Variants in WFDC1 observed in about 807,000 individuals in gnomAD.
WFDC1 encodes WAP four-disulfide core domain protein 1.
WFDC1 carries 39 observed loss-of-function variants against 32.9 expected under a neutral mutation model. The ratio of observed to expected loss-of-function variants is 1.19; its 90% CI spans 0.92 to 1.55. The LOEUF (loss-of-function observed/expected upper bound fraction) is 1.55. Ranked by LOEUF, WFDC1 falls within the 40% of genes most tolerant of loss-of-function variation. WFDC1 has a pLI of 0.00. For synonymous variants in WFDC1, 184 were observed against 137.4 expected (o/e 1.34, Z -2.37); for missense variants, 386 against 309.5 (o/e 1.25, Z -1.85).
At chr16:84,320,379 C>G (rs4782608) in intron 4 of WFDC1, among the ~76,000 whole-genome samples, 1 of 152,096 alleles carries the variant, frequency 6.6e-6, no homozygotes, top group South Asian at 2.1e-4. Context: ...TGTTTTCAAA[C>G]TGCATTGAAT....
intron 1 of WFDC1, among the ~76,000 whole-genome samples, chr16:84,310,890 A>G (rs1200795036): frequency 1.3e-5 from 2 of 152,206 alleles, no homozygotes; most frequent in South Asian, 4.1e-4. Flanking sequence ...GGCCAGCACA[A>G]GGGGGCCAGA....
At chr16:84,320,706 A>C (rs1293625307) in intron 4 of WFDC1, among the ~76,000 whole-genome samples, 1 of 152,202 alleles carries the variant, frequency 6.6e-6, no homozygotes, top group Non-Finnish European at 1.5e-5. Context: ...TGTCAAAGTC[A>C]GTGTCAGTCA....
intron 1 of WFDC1, among the ~76,000 whole-genome samples, chr16:84,299,141 T>G (rs1906782489): frequency 6.6e-6 from 1 of 151,968 alleles, no homozygotes; most frequent in Non-Finnish European, 1.5e-5. Flanking sequence ...CAGGCAGATC[T>G]CCTGAGGTCG....
chr16:84,318,387 C>G (rs371217998), intron 3 of WFDC1, 32 bp downstream of exon 3: 6 of 1,606,296 alleles, frequency 3.7e-6, no homozygotes, highest in Admixed American at 3.3e-5. Context: ...GACCCTACAT[C>G]CAAGCCTCGA....
At chr16:84,317,876 A>C (rs920025864) in intron 2 of WFDC1, 3 of 201,768 alleles carry the variant, frequency 1.5e-5, no homozygotes. Context: ...CTAGGGACCC[A>C]GCTTCCTTCC....
intron 3 of WFDC1, chr16:84,318,860 G>A (rs1039328509): frequency 2.9e-5 from 6 of 207,848 alleles, no homozygotes; most frequent in South Asian, 8.8e-5. Context: ...GCTAGAGTGT[G>A]CGGCCGTATA....
At position 84,313,020 on chromosome 16, in the gene WFDC1, G is replaced by A; in HGVS notation, c.204G>A (p.Pro68=). Residue 68 remains proline, a synonymous_variant, in exon 2 of 7, where the codon CCG becomes CCA. Transcript: ENST00000219454. ...PRQPRADRCP[P]PPRTLPPGAC... ...AGCCCCGAGCAGACCGCTGCCCGCC[G>A]CCTCCGCGGACGCTGCCCCCCGGCG... The A allele has an allele frequency of 4.6e-6, 6 of 1,307,972 alleles. No individual in the cohort carries two copies. Among genetic ancestry groups the A allele is most frequent in the Non-Finnish European group, 5.8e-6 (6 of 1,030,352 alleles). 81.0% of individuals were successfully genotyped at this position (1,307,972 alleles called of 1,614,324 possible). A position where few individuals can be genotyped will look rare whatever the true frequency, so the allele number is the denominator to read the frequency against.
At chr16:84,297,353 C>T (rs1354527344) in intron 1 of WFDC1, among the ~76,000 whole-genome samples, 1 of 152,176 alleles carries the variant, frequency 6.6e-6, no homozygotes, top group African/African-American at 2.4e-5. Flanking sequence ...CACGGTGGCT[C>T]ATGCCTGTAA....
At chr16:84,298,445 T>C (rs1906739264) in intron 1 of WFDC1, among the ~76,000 whole-genome samples, 1 of 152,142 alleles carries the variant, frequency 6.6e-6, no homozygotes, top group Non-Finnish European at 1.5e-5. Context: ...TATTGCTCCG[T>C]TTTGCTATTC....
chr16:84,319,286 G>C, intron 3 of WFDC1, 145 bp from the exon 4 acceptor site: 1 of 1,124,478 alleles, frequency 8.9e-7, no homozygotes, highest in Middle Eastern at 2.2e-4. Context: ...GGCCTAGCCT[G>C]GAACCTGGGG....
chr16:84,295,575 C>T (rs1261323124), intron 1 of WFDC1: 1 of 182,018 alleles, frequency 5.5e-6, no homozygotes, highest in Non-Finnish European at 1.1e-5. Context: ...GGGGAAGGCA[C>T]TCTGTGGGGT....
At chr16:84,310,975 C>G (rs60383420) in intron 1 of WFDC1, among the ~76,000 whole-genome samples, 6,945 of 152,186 alleles carry the variant, frequency 0.046, 458 homozygotes, top group African/African-American at 0.15. Context: ...ACAGTTTAGG[C>G]AGAGGCCAGG....
At chr16:84,318,441 C>T (rs544185067) in intron 3 of WFDC1, 86 bp downstream of exon 3, 98 of 1,352,632 alleles carry the variant, frequency 7.2e-5, no homozygotes, top group African/African-American at 2.3e-4. Context: ...AGCACCAGGC[C>T]GGCTGTCCCC....
chr16:84,312,160 C>T (rs763365155), intron 1 of WFDC1, among the ~76,000 whole-genome samples: 5 of 152,046 alleles, frequency 3.3e-5, no homozygotes, highest in East Asian at 1.9e-4. Flanking sequence ...AGCGAAACTC[C>T]GTCTCAAAAA....
At chr16:84,300,801 C>T in intron 1 of WFDC1, among the ~76,000 whole-genome samples, 1 of 152,102 alleles carries the variant, frequency 6.6e-6, no homozygotes, top group African/African-American at 2.4e-5. Flanking sequence ...GAAACCCTGT[C>T]TCTACTAAAA....
chr16:84,312,474 A>C (rs1326461912), intron 1 of WFDC1, among the ~76,000 whole-genome samples: 3 of 152,122 alleles, frequency 2.0e-5, no homozygotes, highest in Non-Finnish European at 4.4e-5. Context: ...ATGTTGTTGC[A>C]TGGATTTAAT....
In WFDC1 at chr16:84,311,527, C is replaced by CTTTTTTT. The variant is rs35243949; in HGVS notation, c.145-1419_145-1413dup. Reference sequence around the variant, plus strand: ...ACAGGTGTGAGCCACTGCGCCTGGACTTTTTTTTTTTTTTTTTTTTTAACA... The same window carrying CTTTTTTT: ...ACAGGTGTGAGCCACTGCGCCTGGACTTTTTTTTTTTTTTTTTTTTTTTTTTTTAACA... On this transcript the variant is annotated intron_variant, in intron 1 of 6. Transcript: ENST00000219454. Among the ~76,000 whole-genome samples, 132 of 88,680 alleles carry CTTTTTTT rather than the reference C, an allele frequency of 1.5e-3. 6 individuals are homozygous for CTTTTTTT. Among genetic ancestry groups the CTTTTTTT allele is most frequent in the African/African-American group, 6.2e-3 (124 of 19,932 alleles). The allele number at this position is 88,680 out of a possible 152,430, so 58.2% of individuals were successfully genotyped here.
At chr16:84,295,258 C>T in intron 1 of WFDC1, 143 bp downstream of exon 1, 1 of 1,132,960 alleles carries the variant, frequency 8.8e-7, no homozygotes. Flanking sequence ...CCGTGTGTGT[C>T]TGAGTTGTGT....
chr16:84,300,752 C>T (rs1906885677), intron 1 of WFDC1, among the ~76,000 whole-genome samples: 1 of 152,192 alleles, frequency 6.6e-6, no homozygotes, highest in South Asian at 2.1e-4. Context: ...GGCGGATCAC[C>T]CGAGGTCAGG....
Sources: gnomAD v4.1 joint callset for allele counts (sites outside exome capture counted in the v4.1 genomes callset) on GRCh38, gnomAD v4.1.1 for gene constraint, MANE v1.5 for transcripts, NCBI Gene and HGNC (gene_info 2026-07-23, HGNC 2026-07-21) for gene names.